The following PIEZO2 variants were observed in gnomAD, a reference collection of about 807,000 sequenced individuals.
PIEZO2 encodes the protein piezo-type mechanosensitive ion channel component 2.
PIEZO2 carries 172 observed loss-of-function variants against 337.3 expected under a neutral mutation model. That is an observed-to-expected ratio of 0.51 (90% CI 0.45 to 0.58). The LOEUF is 0.58. PIEZO2 is among the 20% of genes least tolerant of loss of function. The pLI is 0.00. For synonymous variants in PIEZO2, 1,251 were observed against 1,228.5 expected (o/e 1.02, Z -0.38); for missense variants, 3,028 against 3,391.3 (o/e 0.89, Z 2.66).
chr18:11,052,979 T>C (rs2037585183), intron 2 of PIEZO2, among the ~76,000 whole-genome samples: 1 of 152,210 alleles, frequency 6.6e-6, no homozygotes, highest in African/African-American at 2.4e-5. Flanking sequence ...GCGTTAGCTC[T>C]GTCGTCAAGG....
At chr18:10,901,068 C>G (rs1303962680) in intron 4 of PIEZO2, among the ~76,000 whole-genome samples, 1 of 152,160 alleles carries the variant, frequency 6.6e-6, no homozygotes, top group Non-Finnish European at 1.5e-5. Flanking sequence ...TTAGTATGTT[C>G]ACACTAGTCT....
chr18:10,768,910 C>T (rs757043987), intron 21 of PIEZO2, among the ~76,000 whole-genome samples: 1 of 152,132 alleles, frequency 6.6e-6, no homozygotes, highest in Non-Finnish European at 1.5e-5. Flanking sequence ...AGATTCTCTG[C>T]GTCCGACTCC....
At chr18:11,043,218 G>A (rs1033554395) in intron 2 of PIEZO2, among the ~76,000 whole-genome samples, 1 of 147,096 alleles carries the variant, frequency 6.8e-6, no homozygotes, top group African/African-American at 2.6e-5. Context: ...TTTGAAAAAA[G>A]AGGAAATATC....
At position 10,714,844 on chromosome 18, in the gene PIEZO2, A is replaced by G. The variant is rs1219458930; in HGVS notation, c.5343T>C (p.Ile1781=). The part of the protein sequence containing the change: ...NLSRESGLDT[I]DEHPGAASGA... ...CTGAAGCAGCTCCGGGATGCTCGTC[A>G]ATGGTGTCCAGTCCCGACTCTCTGG... is the stretch of plus-strand genomic sequence containing the variant. The change falls in exon 39 of 56, where the codon ATT becomes ATC. Residue 1781 remains isoleucine, a synonymous_variant. Coordinates refer to ENST00000674853, the MANE Select transcript of PIEZO2 (RefSeq NM_001378183.1). 1 of 1,537,218 alleles carries G rather than the reference A, an allele frequency of 6.5e-7. No individual in the cohort carries two copies. Among genetic ancestry groups the G allele is most frequent in the South Asian group, 1.2e-5 (1 of 84,060 alleles).
In PIEZO2 at chr18:10,850,313, G is replaced by A. The variant is rs920725463; in HGVS notation, c.917+5040C>T. ...CTCCAGCCCTGTGCCACACATCGGC[G>A]TGGAATTTCAGTTTATACCATATGC... On this transcript the variant is annotated intron_variant, in intron 7 of 55. Transcript: ENST00000674853. The surrounding 1 kb of genome is among the most constrained non-coding windows in gnomAD (Gnocchi z 4.5). 2.6e-5 allele frequency among the ~76,000 whole-genome samples: 4 copies of A among 152,130 alleles called. No individual in the cohort carries two copies. Among genetic ancestry groups the A allele is most frequent in the Non-Finnish European group, 4.4e-5 (3 of 68,014 alleles).
chr18:10,694,821 T>G (rs191929062), intron 47 of PIEZO2, among the ~76,000 whole-genome samples: 7 of 151,324 alleles, frequency 4.6e-5, no homozygotes, highest in Non-Finnish European at 1.0e-4. Flanking sequence ...GGTGATGGAG[T>G]GAGATTTTGT....
chr18:10,942,068 G>A lies in PIEZO2; in HGVS notation c.287-30840C>T, dbSNP rs540940879. Among the ~76,000 whole-genome samples, 20 of 152,290 alleles carry A rather than the reference G, an allele frequency of 1.3e-4. No individual in the cohort carries two copies. The East Asian group carries it at 3.3e-3, about 25-fold the overall frequency. ...CTTGCTCCTCCTTGCTTTCGGCCAC[G>A]ATCGTGAGGCCTCTCCAGCCATGTG... On this transcript the variant is annotated intron_variant, in intron 3 of 55. Coordinates refer to ENST00000674853, the MANE Select transcript of PIEZO2 (RefSeq NM_001378183.1). The surrounding 1 kb of genome is among the most constrained non-coding windows in gnomAD (Gnocchi z 4.4).
intron 5 of PIEZO2, among the ~76,000 whole-genome samples, chr18:10,858,895 A>AT (rs1299197116): frequency 6.6e-6 from 1 of 152,070 alleles, no homozygotes; most frequent in Non-Finnish European, 1.5e-5. Context: ...ACATTTGTAT[A>AT]TTTTTTTCTG....
rs2033337248 is a variant in PIEZO2 at position 10,952,454 on chromosome 18, A to G, written c.286+27081T>C. On this transcript the variant is annotated intron_variant, in intron 3 of 55. Transcript: ENST00000674853. The surrounding 1 kb of genome is among the most constrained non-coding windows in gnomAD (Gnocchi z 4.1). ...CTTACAGTTTCACTAATTATTGTAA[A>G]TATAATCATATAGTATGTAGCATTC... Among the ~76,000 whole-genome samples the G allele has an allele frequency of 6.6e-6, 1 of 152,144 alleles. No homozygotes were observed. Among genetic ancestry groups the G allele is most frequent in the Admixed American group, 6.5e-5 (1 of 15,268 alleles).
At position 10,871,231 on chromosome 18, in the gene PIEZO2, A is replaced by G. The variant is rs531012088; in HGVS notation, c.492+22T>C. ...AAGGTCCTCAGAAATCAAAGAAGGA[A>G]GAGACATGGAGTTGGATTTACCAAT... On this transcript the variant is annotated intron_variant, in intron 5 of 55. Coordinates refer to ENST00000674853, the MANE Select transcript of PIEZO2 (RefSeq NM_001378183.1). The G allele has an allele frequency of 1.5e-4, 223 of 1,530,750 alleles. 1 individual carries two copies. In the African/African-American group the frequency reaches 2.7e-3, roughly 18 times the overall value. 94.8% of individuals were successfully genotyped at this position (1,530,750 alleles called of 1,614,324 possible).
chr18:11,066,909 C>T (rs1335309678), intron 1 of PIEZO2, among the ~76,000 whole-genome samples: 8 of 152,176 alleles, frequency 5.3e-5, no homozygotes, highest in Non-Finnish European at 1.2e-4. Flanking sequence ...CTAGTGCAGA[C>T]TTTTTATATA....
rs764770864 is a variant in PIEZO2 at position 11,078,040 on chromosome 18, ACACACC to A, written c.65-11824_65-11819del. On this transcript the variant is annotated intron_variant, in intron 1 of 55. Transcript: ENST00000674853. The surrounding 1 kb of genome is among the most constrained non-coding windows in gnomAD (Gnocchi z 5.3). ...CACATGTGCGTGCACACACACCCAC[ACACACC>A]CACACACACACACACACACACCACA... Among the ~76,000 whole-genome samples the A allele has an allele frequency of 2.7e-4, 27 of 98,592 alleles. No individual in the cohort carries two copies. The highest frequency in any genetic ancestry group is 9.6e-4 in the East Asian group (3 of 3,130). 64.7% of individuals were successfully genotyped at this position (98,592 alleles called of 152,430 possible).
chr18:10,731,381 C>T (rs1379484455), intron 36 of PIEZO2, 26 bp downstream of exon 36: 4 of 1,500,470 alleles, frequency 2.7e-6, no homozygotes, highest in South Asian at 1.2e-5. Flanking sequence ...GCCACACCCA[C>T]CACAGCCACC....
rs1254856378 is a variant in PIEZO2 at position 10,973,459 on chromosome 18, G to A, written c.286+6076C>T. 1.3e-5 allele frequency among the ~76,000 whole-genome samples: 2 copies of A among 152,218 alleles called. No homozygotes were observed. Among genetic ancestry groups the A allele is most frequent in the Admixed American group, 6.5e-5 (1 of 15,286 alleles). The stretch of plus-strand genomic sequence containing the variant: ...TGAGGCAGTGCCTCAATCACCAGGG[G>A]TGGAAGAAAACAGCACTTAAGGCAA... On this transcript the variant is annotated intron_variant, in intron 3 of 55. Coordinates refer to ENST00000674853, the MANE Select transcript of PIEZO2 (RefSeq NM_001378183.1). This position sits in a 1 kb window ranked among gnomAD's most constrained non-coding sequence, Gnocchi z 4.9.
chr18:11,071,260 G>GCAAGAA (rs1045582356), intron 1 of PIEZO2, among the ~76,000 whole-genome samples: 8 of 152,292 alleles, frequency 5.3e-5, no homozygotes, highest in South Asian at 2.1e-4. Context: ...TAGGTGATCT[G>GCAAGAA]CAAGAACAAG....
At chr18:10,972,918 C>CA (rs1222693948) in intron 3 of PIEZO2, among the ~76,000 whole-genome samples, 2 of 152,128 alleles carry the variant, frequency 1.3e-5, no homozygotes, top group African/African-American at 2.4e-5. Context: ...TCGAACCTCA[C>CA]AAAAACCTAT....
At chr18:10,910,076 G>T (rs1466632597) in intron 4 of PIEZO2, among the ~76,000 whole-genome samples, 12 of 152,152 alleles carry the variant, frequency 7.9e-5, no homozygotes, top group Non-Finnish European at 1.8e-4. Flanking sequence ...TACTTTAAGT[G>T]CTCTGTCAGC....
intron 38 of PIEZO2, 33 bp from the exon 39 acceptor site, chr18:10,714,963 TG>T (rs1567977259): frequency 6.5e-7 from 1 of 1,532,580 alleles, no homozygotes; most frequent in South Asian, 1.2e-5. Context: ...ACAGTTCTTA[TG>T]GAGGCATCTA....
chr18:10,913,805 T>A (rs1011311120), intron 3 of PIEZO2, among the ~76,000 whole-genome samples: 21 of 152,206 alleles, frequency 1.4e-4, no homozygotes, highest in Non-Finnish European at 2.4e-4. Flanking sequence ...GCAGAACGAC[T>A]TCTTTCTATT....
Sources: gnomAD v4.1 joint callset for allele counts (sites outside exome capture counted in the v4.1 genomes callset) on GRCh38, gnomAD v4.1.1 for gene constraint, Gnocchi (gnomAD v3.1) non-coding constraint, MANE v1.5 for transcripts, NCBI Gene and HGNC (gene_info 2026-07-23, HGNC 2026-07-21) for gene names.